Variants in TCF25 observed in about 807,000 individuals in gnomAD.
TCF25 encodes the protein ribosome quality control complex subunit TCF25.
A neutral mutation model predicts 83.1 loss-of-function variants in TCF25; 41 were observed. That is an observed-to-expected ratio of 0.49 (90% confidence interval 0.38 to 0.64). TCF25 has a LOEUF of 0.64. Among genes scored for constraint, TCF25 ranks in the 30% least tolerant of loss-of-function variants. The pLI, the probability that TCF25 is intolerant of heterozygous loss-of-function variation, is 0.00. For synonymous variants in TCF25, 458 were observed against 365.0 expected (o/e 1.25, Z -2.90); for missense variants, 979 against 914.5 (o/e 1.07, Z -0.91).
rs1293582658 is a variant in TCF25, at chr16:89,873,628, T to A, written c.-40T>A. ...CGCCGACAGCCGAGTTTTCTGCGCT[T>A]CCTTCTCCCTCTCTCCAGACGTCGT... On this transcript the variant is annotated 5_prime_UTR_variant, in exon 1 of 18. Transcript: ENST00000263346. 6.8e-7 allele frequency: 1 copy of A among 1,467,522 alleles called. No individual in the cohort carries two copies. Among genetic ancestry groups the A allele is most frequent in the Non-Finnish European group, 9.0e-7 (1 of 1,111,828 alleles). 90.9% of individuals were successfully genotyped at this position (1,467,522 alleles called of 1,614,324 possible). A position where few individuals can be genotyped will look rare whatever the true frequency, so the allele number is the denominator to read the frequency against.
chr16:89,893,946 G>A, intron 7 of TCF25, 88 bp downstream of exon 7: 1 of 1,526,894 alleles, frequency 6.5e-7, no homozygotes, highest in Non-Finnish European at 8.8e-7. Flanking sequence ...GGCTGGGGGA[G>A]GCATGCTGCC....
chr16:89,900,432 C>A (rs1315450072), intron 11 of TCF25, among the ~76,000 whole-genome samples: 1 of 152,174 alleles, frequency 6.6e-6, no homozygotes, highest in Non-Finnish European at 1.5e-5. Flanking sequence ...CCTCCCACGT[C>A]CTCTGTATCT....
At chr16:89,881,470 G>C (rs1257417090) in intron 1 of TCF25, among the ~76,000 whole-genome samples, 1 of 152,028 alleles carries the variant, frequency 6.6e-6, no homozygotes, top group African/African-American at 2.4e-5. Flanking sequence ...TTTAGAGCTA[G>C]AGTCTTGCTC....
chr16:89,905,025 G>A lies in TCF25; in HGVS notation c.1557G>A (p.Leu519=), dbSNP rs755511149. 13 of 1,602,990 alleles carry A rather than the reference G, an allele frequency of 8.1e-6. No individual in the cohort carries two copies. In the South Asian group the frequency reaches 1.5e-4, roughly 18 times the overall value. Residue 519 remains leucine, a synonymous_variant, in exon 14 of 18, where the codon CTG becomes CTA. Transcript: ENST00000263346. ...LWKEPATMSW[L]EENVHEVLQA... is the part of the protein sequence containing the mutation. ...AAGAGCCCGCCACCATGAGCTGGCT[G>A]GAGGAGAACGTCCACGAGGTTCTGC...
intron 12 of TCF25, among the ~76,000 whole-genome samples, chr16:89,901,466 C>T (rs944959621): frequency 6.8e-6 from 1 of 146,472 alleles, no homozygotes; most frequent in African/African-American, 2.5e-5. Flanking sequence ...GGGCCTCCGG[C>T]CGGGCGCGGT....
At chr16:89,907,115 A>T in intron 15 of TCF25, 128 bp from the exon 16 acceptor site, 1 of 936,582 alleles carries the variant, frequency 1.1e-6, no homozygotes, top group Non-Finnish European at 1.7e-6. Context: ...CGTTTCTGTC[A>T]GACTCTGTGG....
rs79426849 is a variant in TCF25 at position 89,895,239 on chromosome 16, A to G, written c.928+102A>G. On this transcript the variant is annotated intron_variant, in intron 8 of 17. Transcript: ENST00000263346. ...GATGACAGGGGTTGCCAGGATATCC[A>G]TGACAGCTTTATTGAGATACAACCT... The G allele has an allele frequency of 0.012, 12,791 of 1,075,642 alleles. 1,042 individuals are homozygous for G. The African/African-American group carries it at 0.18, about 15-fold the overall frequency. The allele number at this position is 1,075,642 out of a possible 1,614,324, so 66.6% of individuals were successfully genotyped here.
rs563937451 is a variant in TCF25 at position 89,887,445 on chromosome 16, G to A, written c.549-207G>A. Among the ~76,000 whole-genome samples, 3 of 152,336 alleles carry A rather than the reference G, an allele frequency of 2.0e-5. No individual in the cohort carries two copies. The East Asian group carries it at 5.8e-4, about 29-fold the overall frequency. ...ACAGCACTCACCGAGCGCCCTCACG[G>A]CACAGTGACGGCAGCTTCCCCATGG... On this transcript the variant is annotated intron_variant, in intron 4 of 17. Coordinates refer to ENST00000263346, the MANE Select transcript of TCF25 (RefSeq NM_014972.3).
chr16:89,893,925 G>A (rs1307110054), intron 7 of TCF25, 67 bp downstream of exon 7: 3 of 1,541,926 alleles, frequency 1.9e-6, no homozygotes, highest in Non-Finnish European at 2.6e-6. Flanking sequence ...TGGGCCGCCT[G>A]CTTCCCTGGT....
intron 16 of TCF25, chr16:89,908,863 G>A: frequency 2.5e-6 from 3 of 1,190,072 alleles, no homozygotes; most frequent in Non-Finnish European, 3.3e-6. Flanking sequence ...CTCTCCTGCA[G>A]CTCTGAGGTC....
At chr16:89,883,811 C>T (rs1267293253) in intron 2 of TCF25, 19 of 299,740 alleles carry the variant, frequency 6.3e-5, no homozygotes, top group Non-Finnish European at 9.2e-5. Flanking sequence ...TAGCCGACCG[C>T]GCACGTGTGT....
chr16:89,888,016 A>G (rs1441302094), intron 5 of TCF25, among the ~76,000 whole-genome samples: 1 of 152,216 alleles, frequency 6.6e-6, no homozygotes, highest in Non-Finnish European at 1.5e-5. Flanking sequence ...CTGTAATCCC[A>G]GCACTTTGGG....
intron 16 of TCF25, among the ~76,000 whole-genome samples, chr16:89,907,670 C>T (rs1251948629): frequency 9.9e-6 from 1 of 100,566 alleles, no homozygotes; most frequent in Non-Finnish European, 1.9e-5. Context: ...CAGCTCCCTC[C>T]TCCCACCTCC....
At chr16:89,890,583 G>A (rs1341396091) in intron 5 of TCF25, 2 of 152,146 alleles carry the variant, frequency 1.3e-5, no homozygotes, top group Non-Finnish European at 2.9e-5. Flanking sequence ...CATTTTTGGT[G>A]TTGATGGGTT....
At chr16:89,882,627 C>T (rs1396732543) in intron 1 of TCF25, among the ~76,000 whole-genome samples, 1 of 152,134 alleles carries the variant, frequency 6.6e-6, no homozygotes, top group Non-Finnish European at 1.5e-5. Flanking sequence ...TGCTCTGTTG[C>T]CCAGGCTGGA....
chr16:89,875,382 G>A (rs552244383), intron 1 of TCF25, among the ~76,000 whole-genome samples: 2 of 151,888 alleles, frequency 1.3e-5, no homozygotes, highest in Non-Finnish European at 2.9e-5. Context: ...TGTCTCTAAC[G>A]TATTTTCTCG....
At chr16:89,890,495 A>G (rs2043347896) in intron 5 of TCF25, 1 of 152,212 alleles carries the variant, frequency 6.6e-6, no homozygotes, top group Admixed American at 6.6e-5. Flanking sequence ...GATTGTGGGT[A>G]GATCAAGGAT....
intron 5 of TCF25, among the ~76,000 whole-genome samples, chr16:89,888,448 G>A (rs1206784770): frequency 6.6e-6 from 1 of 151,356 alleles, no homozygotes; most frequent in Admixed American, 6.6e-5. Flanking sequence ...AATTAGCCAG[G>A]CATGGTCGTG....
chr16:89,887,616 T>C, intron 4 of TCF25, 36 bp from the exon 5 acceptor site: 2 of 1,557,192 alleles, frequency 1.3e-6, no homozygotes, highest in Non-Finnish European at 1.7e-6. Flanking sequence ...TAGAACATAA[T>C]TTCATGTTTT....
Sources: gnomAD v4.1 joint callset for allele counts (sites outside exome capture counted in the v4.1 genomes callset) on GRCh38, gnomAD v4.1.1 for gene constraint, MANE v1.5 for transcripts, NCBI Gene and HGNC (gene_info 2026-07-23, HGNC 2026-07-21) for gene names.